The following TENM1 variants were observed in gnomAD, a reference collection of about 807,000 sequenced individuals.
TENM1 encodes teneurin transmembrane protein 1.
TENM1 carries 35 observed loss-of-function variants against 174.8 expected under a neutral mutation model. The observed-to-expected ratio is 0.20, with a 90% CI of 0.15 to 0.27. The LOEUF is 0.27. Ranked by LOEUF, TENM1 falls within the 10% of genes least tolerant of loss-of-function variation. The pLI is 1.00. For synonymous variants in TENM1, 781 were observed against 798.7 expected, an observed-to-expected ratio of 0.98 and a Z score of 0.37; for missense variants, 1,633 against 2,130.1, an observed-to-expected ratio of 0.77 and a Z score of 4.59.
At chrX:125,054,362 TA>T in the TENM1 span, among the ~76,000 whole-genome samples, 4 of 110,459 alleles carry the variant, frequency 3.6e-5, no homozygotes, top group Non-Finnish European at 7.6e-5. Flanking sequence ...GTGAGCTAAT[TA>T]AACTTCTTTT....
At chrX:125,074,919 C>G in the TENM1 span, among the ~76,000 whole-genome samples, 1 of 112,148 alleles carries the variant, frequency 8.9e-6, no homozygotes, top group Non-Finnish European at 1.9e-5. Flanking sequence ...AACAAAAAAG[C>G]TACTGTTAGT....
At chrX:124,788,363 C>A (rs185172557) in intron 3 of TENM1, among the ~76,000 whole-genome samples, 98 of 111,409 alleles carry the variant, frequency 8.8e-4, no homozygotes, top group Non-Finnish European at 1.3e-3. Flanking sequence ...TGGCCTCTCC[C>A]AAATCTCGTA....
At chrX:124,868,990 C>T (rs1472725160) in intron 3 of TENM1, among the ~76,000 whole-genome samples, 7 of 106,039 alleles carry the variant, frequency 6.6e-5, no homozygotes, top group African/African-American at 1.7e-4. Flanking sequence ...TTTGGGAGGC[C>T]GAGGCAGGTG....
chrX:124,639,352 A>G (rs756130375), intron 11 of TENM1, among the ~76,000 whole-genome samples: 1 of 111,901 alleles, frequency 8.9e-6, no homozygotes, highest in Non-Finnish European at 1.9e-5. Context: ...ATAAACATGC[A>G]ATCATCATTC....
intron 3 of TENM1, among the ~76,000 whole-genome samples, chrX:124,756,632 T>C (rs1308520764): frequency 9.0e-6 from 1 of 110,639 alleles, no homozygotes; most frequent in Non-Finnish European, 1.9e-5. Flanking sequence ...TATCTACTTT[T>C]GGTCTTTGAT....
intron 11 of TENM1, among the ~76,000 whole-genome samples, chrX:124,612,636 C>T (rs1465547848): frequency 9.0e-6 from 1 of 111,337 alleles, no homozygotes; most frequent in Non-Finnish European, 1.9e-5. Flanking sequence ...GACAACAGAT[C>T]ACATAACTAC....
intron 1 of TENM1, among the ~76,000 whole-genome samples, chrX:124,918,962 A>G (rs180928713): frequency 8.9e-6 from 1 of 112,218 alleles, no homozygotes; most frequent in African/African-American, 3.2e-5. Flanking sequence ...CATTGTCTGA[A>G]CATTGTCCTA....
At chrX:125,039,978 A>G in the TENM1 span, among the ~76,000 whole-genome samples, 492 of 111,792 alleles carry the variant, frequency 4.4e-3, 4 homozygotes, top group African/African-American at 0.015. Context: ...ATCAAAGTTT[A>G]ATTGATCTAA....
chrX:124,930,676 G>A (rs570847738), intron 1 of TENM1, among the ~76,000 whole-genome samples: 11 of 111,932 alleles, frequency 9.8e-5, no homozygotes, highest in Middle Eastern at 4.6e-3. Flanking sequence ...TAAGGGTCCT[G>A]CACACTGTGG....
intron 20 of TENM1, among the ~76,000 whole-genome samples, chrX:124,488,595 C>T (rs1055158124): frequency 2.7e-5 from 3 of 112,085 alleles, no homozygotes; most frequent in African/African-American, 6.5e-5. Context: ...CAGGCATTTA[C>T]GCCTCTTTCA....
intron 3 of TENM1, among the ~76,000 whole-genome samples, chrX:124,869,955 T>C (rs1170909185): frequency 9.0e-6 from 1 of 111,072 alleles, no homozygotes. Context: ...TAATTCTACA[T>C]GTTAAAATAG....
At chrX:124,506,249 T>C (rs939847615) in intron 18 of TENM1, among the ~76,000 whole-genome samples, 1 of 111,487 alleles carries the variant, frequency 9.0e-6, no homozygotes, top group South Asian at 3.8e-4. Flanking sequence ...TGACCTGTGA[T>C]GGTGGTTTGG....
chrX:124,741,841 A>G (rs902818783), intron 3 of TENM1, among the ~76,000 whole-genome samples: 1 of 112,311 alleles, frequency 8.9e-6, no homozygotes, highest in East Asian at 2.8e-4. Flanking sequence ...ATTCTGCTGT[A>G]TGCAGTTTTC....
At chrX:125,172,703 T>C in the TENM1 span, among the ~76,000 whole-genome samples, 1 of 110,981 alleles carries the variant, frequency 9.0e-6, no homozygotes, top group East Asian at 2.8e-4. Context: ...GACTTTTGTG[T>C]TATAAAGATG....
chrX:124,826,316 A>T (rs2056159970), intron 3 of TENM1, among the ~76,000 whole-genome samples: 1 of 109,490 alleles, frequency 9.1e-6, no homozygotes, highest in Non-Finnish European at 1.9e-5. Flanking sequence ...GGCTGAGGTG[A>T]GAAAATCACC....
intron 20 of TENM1, among the ~76,000 whole-genome samples, chrX:124,491,534 C>A (rs1357345453): frequency 9.0e-6 from 1 of 111,476 alleles, no homozygotes; most frequent in African/African-American, 3.3e-5. Flanking sequence ...TATCTTACCT[C>A]AATCTCCCAC....
At chrX:124,872,780 C>G (rs2057133408) in intron 3 of TENM1, among the ~76,000 whole-genome samples, 1 of 111,820 alleles carries the variant, frequency 8.9e-6, no homozygotes, top group Admixed American at 9.5e-5. Flanking sequence ...GATAACAATA[C>G]TTCCATGCCT....
intron 20 of TENM1, 27 bp downstream of exon 23, chrX:124,496,989 A>G: frequency 1.7e-6 from 2 of 1,197,974 alleles, no homozygotes; most frequent in Non-Finnish European, 2.3e-6. Context: ...CTGCTAAGCA[A>G]ATATATAGAG....
At chrX:125,041,944 A>T in the TENM1 span, among the ~76,000 whole-genome samples, 4 of 111,840 alleles carry the variant, frequency 3.6e-5, no homozygotes, top group African/African-American at 9.7e-5. Flanking sequence ...AGAAGACATA[A>T]AAAGGGCAAA....
Sources: gnomAD v4.1 joint callset for allele counts (sites outside exome capture counted in the v4.1 genomes callset) on GRCh38, gnomAD v4.1.1 for gene constraint, MANE v1.5 for transcripts, NCBI Gene and HGNC (gene_info 2026-07-23, HGNC 2026-07-21) for gene names.